ARL13B: variants seen among roughly 807,000 people sequenced by gnomAD.
ARL13B encodes ADP-ribosylation factor-like protein 13B.
In ARL13B, 36 loss-of-function variants were observed where a neutral mutation model predicts 56.1. The observed-to-expected ratio is 0.64, with a 90% CI of 0.49 to 0.85. The LOEUF is 0.85. ARL13B is among the 40% of genes least tolerant of loss of function. The pLI is 0.00. For missense variants in ARL13B, 519 were observed against 507.1 expected (o/e 1.02, Z -0.23); for synonymous variants, 178 against 171.1 (o/e 1.04, Z -0.32).
intron 3 of ARL13B, among the ~76,000 whole-genome samples, chr3:94,020,832 G>A (rs962708494): frequency 6.6e-6 from 1 of 152,006 alleles, no homozygotes; most frequent in African/African-American, 2.4e-5. Flanking sequence ...GTAATCTTTT[G>A]TTTTTGCCAC....
Position 94,036,621 on chromosome 3 carries a change from C to T in ARL13B, c.556C>T (p.Leu186=). 3 of 1,614,024 alleles carry T rather than the reference C, an allele frequency of 1.9e-6. No individual in the cohort carries two copies. The highest frequency in any genetic ancestry group is 2.5e-6 in the Non-Finnish European group (3 of 1,180,002). ...DKSIKKGLYW[L]LHVIARDFDA... ...GTCCATTAAAAAAGGCCTTTATTGG[C>T]TGCTACATGTTATTGCAAGAGACTT... Residue 186 remains leucine (L), a synonymous_variant, in exon 5 of 10, where the codon CTG becomes TTG. Transcript: ENST00000394222.
intron 7 of ARL13B, among the ~76,000 whole-genome samples, chr3:94,045,170 G>A (rs1281895266): frequency 6.6e-6 from 1 of 152,032 alleles, no homozygotes; most frequent in Non-Finnish European, 1.5e-5. Flanking sequence ...TCTCTGAAAC[G>A]TGCTGTGTCA....
Position 94,036,663 on chromosome 3 carries a change from C to A in ARL13B, c.598C>A (p.Arg200Ser), listed in dbSNP as rs121912608. 1.2e-6 allele frequency: 2 copies of A among 1,613,718 alleles called. No individual in the cohort carries two copies. The highest frequency in any genetic ancestry group is 2.7e-5 in the African/African-American group (2 of 74,814). Residue 200 changes from arginine (R) to serine (S), a missense_variant, in exon 5 of 10, where the codon CGC (arginine) becomes AGC (serine). Arg to Ser is a moderately radical substitution (Grantham distance 110). Coordinates refer to ENST00000394222, the MANE Select transcript of ARL13B (RefSeq NM_001174150.2). ...IARDFDALNERIQKETTEQRA... is the reference protein window; with the variant it reads ...IARDFDALNESIQKETTEQRA... Reference sequence around the variant, plus strand: ...AAGAGACTTTGATGCCTTAAATGAACGCATCCAAAAAGAGACAACAGAGCA... The same window carrying A: ...AAGAGACTTTGATGCCTTAAATGAAAGCATCCAAAAAGAGACAACAGAGCA...
chr3:93,999,692 C>T (rs1267319381), intron 2 of ARL13B, among the ~76,000 whole-genome samples: 1 of 152,092 alleles, frequency 6.6e-6, no homozygotes, highest in Non-Finnish European at 1.5e-5. Flanking sequence ...ACAATAGCTT[C>T]TTAATATAAA....
chr3:94,036,144 G>A (rs2076763917), intron 4 of ARL13B, among the ~76,000 whole-genome samples: 1 of 152,006 alleles, frequency 6.6e-6, no homozygotes, highest in Non-Finnish European at 1.5e-5. Flanking sequence ...GATGAACAGT[G>A]GATTTAATAA....
In ARL13B at chr3:94,053,929, A is replaced by G. The variant is rs1473251362; in HGVS notation, c.*666A>G. On this transcript the variant is annotated 3_prime_UTR_variant, in exon 10 of 10. Coordinates refer to ENST00000394222, the MANE Select transcript of ARL13B (RefSeq NM_001174150.2). ...ATTTGACCTAATTTAAAAATAATAT[A>G]TTTTCGAAGTAGTAGATTCTCAGAT... 6.2e-6 allele frequency: 2 copies of G among 321,218 alleles called. No homozygotes were observed. The highest frequency in any genetic ancestry group is 8.7e-5 in the Admixed American group (2 of 22,924). 19.9% of individuals were successfully genotyped at this position (321,218 alleles called of 1,614,324 possible). A position where few individuals can be genotyped will look rare whatever the true frequency, so the allele number is the denominator to read the frequency against.
At chr3:94,005,934 C>T (rs537537705) in intron 3 of ARL13B, among the ~76,000 whole-genome samples, 1 of 152,144 alleles carries the variant, frequency 6.6e-6, no homozygotes, top group East Asian at 1.9e-4. Flanking sequence ...GGCCAGCCAC[C>T]GTTAGCATTT....
chr3:94,033,495 G>C (rs898721190), intron 3 of ARL13B, among the ~76,000 whole-genome samples: 1 of 152,010 alleles, frequency 6.6e-6, no homozygotes, highest in African/African-American at 2.4e-5. Context: ...TTGACTTTGT[G>C]AATTTTAAGA....
chr3:94,053,704 CTA>C lies in ARL13B; in HGVS notation c.*443_*444del, dbSNP rs957649692. On this transcript the variant is annotated 3_prime_UTR_variant, in exon 10 of 10. Transcript: ENST00000394222. ...GGAATTTATAACCAAAATTTTAAAA[CTA>C]TTTTTATATTTTTTTAAATCTTTAA... 3 of 308,870 alleles carry C rather than the reference CTA, an allele frequency of 9.7e-6. No individual in the cohort carries two copies. Among genetic ancestry groups the C allele is most frequent in the East Asian group, 9.2e-5 (1 of 10,866 alleles). 19.1% of individuals were successfully genotyped at this position (308,870 alleles called of 1,614,324 possible).
intron 2 of ARL13B, among the ~76,000 whole-genome samples, chr3:93,998,230 C>T (rs1299235162): frequency 6.6e-6 from 1 of 152,176 alleles, no homozygotes; most frequent in Non-Finnish European, 1.5e-5. Flanking sequence ...ATCCATTCCT[C>T]TAAAGCCTGA....
intron 1 of ARL13B, among the ~76,000 whole-genome samples, chr3:93,985,236 A>G (rs1710399500): frequency 6.6e-6 from 1 of 152,178 alleles, no homozygotes; most frequent in Admixed American, 6.5e-5. Context: ...TACAGGACAC[A>G]AGGTCTGTGA....
intron 3 of ARL13B, chr3:94,015,095 C>A (rs749663559): frequency 6.2e-7 from 1 of 1,613,810 alleles, no homozygotes; most frequent in Non-Finnish European, 8.5e-7. Context: ...TTAATACTTT[C>A]CTGTAGTTTT....
At chr3:93,997,088 A>G (rs1009891646) in intron 2 of ARL13B, among the ~76,000 whole-genome samples, 8 of 151,834 alleles carry the variant, frequency 5.3e-5, no homozygotes, top group African/African-American at 1.7e-4. Flanking sequence ...AGATGGGACC[A>G]TCTAGTTGCA....
intron 1 of ARL13B, among the ~76,000 whole-genome samples, chr3:93,982,672 A>C (rs1464366189): frequency 6.6e-6 from 1 of 152,230 alleles, no homozygotes; most frequent in Non-Finnish European, 1.5e-5. Context: ...AGCCTAATAT[A>C]AAGGACATAG....
At chr3:94,031,618 T>C (rs2076678029) in intron 3 of ARL13B, among the ~76,000 whole-genome samples, 1 of 152,078 alleles carries the variant, frequency 6.6e-6, no homozygotes, top group Non-Finnish European at 1.5e-5. Context: ...ACACATCAAA[T>C]ACATTTTTAA....
At chr3:93,995,826 A>G (rs1391008462) in intron 1 of ARL13B, 48 bp from the exon 2 acceptor site, 2 of 1,512,306 alleles carry the variant, frequency 1.3e-6, no homozygotes, top group Non-Finnish European at 1.8e-6. Flanking sequence ...TTTTTCCTCA[A>G]TACTAAATTA....
rs1710141023 is a variant in ARL13B at position 93,980,277 on chromosome 3, G to T, written c.-147G>T. The T allele has an allele frequency of 1.9e-6, 2 of 1,037,938 alleles. No individual in the cohort carries two copies. Among genetic ancestry groups the T allele is most frequent in the East Asian group, 5.1e-5 (2 of 39,302 alleles). The allele number at this position is 1,037,938 out of a possible 1,614,324, so 64.3% of individuals were successfully genotyped here. On this transcript the variant is annotated 5_prime_UTR_variant, in exon 1 of 10. Transcript: ENST00000394222. ...GCGGTTAGCAAGGCTTAGTGCTCGG[G>T]CCGGCCGCCTTCACTTCCCTCCCGG...
intron 3 of ARL13B, among the ~76,000 whole-genome samples, chr3:94,011,021 T>A (rs959468627): frequency 2.2e-4 from 34 of 152,102 alleles, no homozygotes; most frequent in African/African-American, 8.0e-4. Flanking sequence ...ATAATGTTTC[T>A]TAAATATTTG....
chr3:93,981,733 G>T (rs1710225140), intron 1 of ARL13B, among the ~76,000 whole-genome samples: 1 of 151,726 alleles, frequency 6.6e-6, no homozygotes, highest in Admixed American at 6.6e-5. Flanking sequence ...AAATAAACGG[G>T]CACGGTGACG....
Sources: allele counts gnomAD v4.1 joint callset (sites outside exome capture counted in the v4.1 genomes callset), GRCh38; gene constraint gnomAD v4.1.1; transcripts MANE v1.5; gene names NCBI Gene and HGNC (gene_info 2026-07-23, HGNC 2026-07-21).